Variants in GRXCR1 observed in about 807,000 individuals in gnomAD.
The protein encoded by GRXCR1 is glutaredoxin domain-containing cysteine-rich protein 1.
In GRXCR1, 27 loss-of-function variants were observed where a neutral mutation model predicts 27.3. The observed-to-expected ratio is 0.99, with a 90% confidence interval of 0.73 to 1.37. The LOEUF (loss-of-function observed/expected upper bound fraction) is 1.37, where lower values mean the gene tolerates loss of function less well. Among genes scored for constraint, GRXCR1 ranks in the 40% most tolerant of loss-of-function variants. The pLI is 0.00. For synonymous variants in GRXCR1, 122 were observed against 131.1 expected (o/e 0.93, Z 0.47); for missense variants, 379 against 354.4 (o/e 1.07, Z -0.56).
intron 1 of GRXCR1, among the ~76,000 whole-genome samples, chr4:42,952,432 G>C (rs1484239052): frequency 6.6e-6 from 1 of 151,980 alleles, no homozygotes; most frequent in African/African-American, 2.4e-5. Flanking sequence ...CAACAAAGCT[G>C]ACTATACCAT....
At chr4:43,020,230 T>G (rs1190064584) in intron 2 of GRXCR1, 124 bp from the exon 3 acceptor site, 2 of 716,634 alleles carry the variant, frequency 2.8e-6, no homozygotes, top group Non-Finnish European at 5.1e-6. Context: ...AGTTGTACAT[T>G]TACTCAGCTC....
chr4:42,921,656 T>G (rs892353262), intron 1 of GRXCR1, among the ~76,000 whole-genome samples: 1 of 152,118 alleles, frequency 6.6e-6, no homozygotes, highest in African/African-American at 2.4e-5. Flanking sequence ...TTTTATTTCT[T>G]TCAGATTACC....
intron 2 of GRXCR1, among the ~76,000 whole-genome samples, chr4:42,988,641 T>C (rs1163273327): frequency 2.0e-5 from 3 of 152,202 alleles, no homozygotes; most frequent in African/African-American, 7.2e-5. Flanking sequence ...TATTATTAAA[T>C]AATTTAGTAT....
At chr4:42,954,242 C>T (rs537227810) in intron 1 of GRXCR1, among the ~76,000 whole-genome samples, 1 of 152,086 alleles carries the variant, frequency 6.6e-6, no homozygotes, top group African/African-American at 2.4e-5. Flanking sequence ...TCCCATAGTG[C>T]GATGAGGGAA....
intron 1 of GRXCR1, among the ~76,000 whole-genome samples, chr4:42,920,508 G>C (rs1281598384): frequency 6.6e-6 from 1 of 152,104 alleles, no homozygotes. Flanking sequence ...GTAATGTATG[G>C]TAAGCATGCC....
chr4:42,913,821 C>T (rs1320451587), intron 1 of GRXCR1, among the ~76,000 whole-genome samples: 1 of 152,172 alleles, frequency 6.6e-6, no homozygotes, highest in Non-Finnish European at 1.5e-5. Context: ...TCTATACAGC[C>T]TCAGGACATT....
At chr4:42,969,694 C>T (rs940969483) in intron 2 of GRXCR1, among the ~76,000 whole-genome samples, 76 of 152,050 alleles carry the variant, frequency 5.0e-4, no homozygotes, top group African/African-American at 1.8e-3. Flanking sequence ...AGGTCCCTCC[C>T]TGGCACACAG....
chr4:42,905,342 A>G (rs1239202921), intron 1 of GRXCR1, among the ~76,000 whole-genome samples: 1 of 152,208 alleles, frequency 6.6e-6, no homozygotes, highest in Non-Finnish European at 1.5e-5. Context: ...TTCTGGGTAG[A>G]GACAGAATCA....
intron 1 of GRXCR1, among the ~76,000 whole-genome samples, chr4:42,923,725 A>C (rs1011599905): frequency 1.3e-5 from 2 of 152,066 alleles, no homozygotes; most frequent in African/African-American, 4.8e-5. Flanking sequence ...TCCTCAAAAA[A>C]TATCCAAGGA....
chr4:43,011,005 G>A (rs1242892724), intron 2 of GRXCR1, among the ~76,000 whole-genome samples: 2 of 152,116 alleles, frequency 1.3e-5, no homozygotes, highest in Non-Finnish European at 2.9e-5. Context: ...GAGGAGACAG[G>A]ATTTCATGTG....
chr4:43,015,763 A>G (rs1712911697), intron 2 of GRXCR1, among the ~76,000 whole-genome samples: 1 of 151,288 alleles, frequency 6.6e-6, no homozygotes, highest in African/African-American at 2.4e-5. Context: ...TATAAATTAA[A>G]ATAAATAAAA....
rs555348342 is a variant in GRXCR1 at position 43,006,286 on chromosome 4, G to A, written c.628-14068G>A. On this transcript the variant is annotated intron_variant, in intron 2 of 3. Coordinates refer to ENST00000399770, the MANE Select transcript of GRXCR1 (RefSeq NM_001080476.3). ...GCACCTTGAAAAAAGAACAGGATAA[G>A]AGCAATTGTTCAGGGAATAAGAGAG... 2.0e-5 allele frequency among the ~76,000 whole-genome samples: 3 copies of A among 152,310 alleles called. No homozygotes were observed. In the South Asian group the frequency reaches 6.2e-4, roughly 32 times the overall value.
At chr4:42,985,652 A>T (rs908888156) in intron 2 of GRXCR1, among the ~76,000 whole-genome samples, 1 of 151,838 alleles carries the variant, frequency 6.6e-6, no homozygotes, top group Non-Finnish European at 1.5e-5. Context: ...AAAAATAAAT[A>T]AAAATAGAAG....
intron 1 of GRXCR1, among the ~76,000 whole-genome samples, chr4:42,924,302 T>C (rs1334545184): frequency 6.6e-6 from 1 of 152,060 alleles, no homozygotes; most frequent in African/African-American, 2.4e-5. Context: ...TAAACACACA[T>C]ATGTGTGTGT....
rs547179252 is a variant in GRXCR1 at position 42,898,804 on chromosome 4, T to C, written c.384+5154T>C. ...TGTTATGTATCCTGAGAAATTCTTA[T>C]GTAGTGTTCTGTCAAGACTATCATG... On this transcript the variant is annotated intron_variant, in intron 1 of 3. Coordinates refer to ENST00000399770, the MANE Select transcript of GRXCR1 (RefSeq NM_001080476.3). Among the ~76,000 whole-genome samples the C allele has an allele frequency of 2.4e-3, 353 of 148,688 alleles. 1 individual carries two copies. The highest frequency in any genetic ancestry group is 2.8e-3 in the Non-Finnish European group (192 of 67,370).
At chr4:42,982,928 T>G (rs1419523230) in intron 2 of GRXCR1, among the ~76,000 whole-genome samples, 1 of 152,086 alleles carries the variant, frequency 6.6e-6, no homozygotes, top group Non-Finnish European at 1.5e-5. Flanking sequence ...TAAATTTGTT[T>G]GAGTTCATTG....
intron 1 of GRXCR1, among the ~76,000 whole-genome samples, chr4:42,956,772 A>T (rs1381100955): frequency 6.6e-6 from 1 of 152,030 alleles, no homozygotes; most frequent in Non-Finnish European, 1.5e-5. Flanking sequence ...ATATGCTACT[A>T]ATGGCCCTGC....
At chr4:42,963,158 C>T in intron 2 of GRXCR1, 24 bp downstream of exon 2, 1 of 1,610,920 alleles carries the variant, frequency 6.2e-7, no homozygotes, top group Non-Finnish European at 8.5e-7. Context: ...CCAGGAAAGT[C>T]TTTTTCATAG....
chr4:42,970,299 C>T (rs1364645273), intron 2 of GRXCR1, among the ~76,000 whole-genome samples: 2 of 152,114 alleles, frequency 1.3e-5, no homozygotes, highest in Non-Finnish European at 2.9e-5. Flanking sequence ...CTTCTCATAG[C>T]TCCACTGGGC....
Sources: gnomAD v4.1 joint callset for allele counts (sites outside exome capture counted in the v4.1 genomes callset) on GRCh38, gnomAD v4.1.1 for gene constraint, MANE v1.5 for transcripts, NCBI Gene and HGNC (gene_info 2026-07-23, HGNC 2026-07-21) for gene names.